Variants in ATP8A1 observed in about 807,000 individuals in gnomAD.
ATP8A1 encodes ATPase phospholipid transporting 8A1, also known as phospholipid-transporting ATPase IA.
ATP8A1 carries 90 observed loss-of-function variants against 177.7 expected under a neutral mutation model. That is an observed-to-expected ratio of 0.51 (90% CI 0.43 to 0.60). The LOEUF (loss-of-function observed/expected upper bound fraction) is 0.60. ATP8A1 is among the 20% of genes least tolerant of loss of function. ATP8A1 has a pLI of 0.00. For synonymous variants in ATP8A1, 493 were observed against 485.9 expected, an observed-to-expected ratio of 1.01 and a Z score of -0.19; for missense variants, 1,072 against 1,392.8, an observed-to-expected ratio of 0.77 and a Z score of 3.67.
chr4:42,419,378 T>C (rs968651625), intron 35 of ATP8A1, among the ~76,000 whole-genome samples: 3 of 152,150 alleles, frequency 2.0e-5, no homozygotes, highest in Non-Finnish European at 2.9e-5. Flanking sequence ...AAAACATACA[T>C]AGAGTAAACT....
At chr4:42,416,217 C>T (rs1240444420) in intron 35 of ATP8A1, among the ~76,000 whole-genome samples, 1 of 152,176 alleles carries the variant, frequency 6.6e-6, no homozygotes, top group African/African-American at 2.4e-5. Context: ...GAAGTCGCAG[C>T]TTTAGCAGCA....
rs1266691958 is a variant in ATP8A1, at chr4:42,635,810, TAC to T, written c.50-8703_50-8702del. ...ATATATATATATATATATATATATATACACATGTATGTATGTATGTAAGCTTC... is the reference window on the plus strand; with the variant it reads ...ATATATATATATATATATATATATATACATGTATGTATGTATGTAAGCTTC... On this transcript the variant is annotated intron_variant, in intron 1 of 36. Coordinates refer to ENST00000381668, the MANE Select transcript of ATP8A1 (RefSeq NM_006095.2). 6.8e-3 allele frequency among the ~76,000 whole-genome samples: 711 copies of T among 103,902 alleles called. 42 individuals are homozygous for T. The highest frequency in any genetic ancestry group is 0.031 in the African/African-American group (603 of 19,196). 68.2% of individuals were successfully genotyped at this position (103,902 alleles called of 152,430 possible). A position where few individuals can be genotyped will look rare whatever the true frequency, so the allele number is the denominator to read the frequency against.
chr4:42,439,213 A>G (rs1716347492), intron 33 of ATP8A1, among the ~76,000 whole-genome samples: 1 of 152,166 alleles, frequency 6.6e-6, no homozygotes, highest in Non-Finnish European at 1.5e-5. Context: ...TGGACGCAGT[A>G]AAGAGAGGCA....
intron 1 of ATP8A1, among the ~76,000 whole-genome samples, chr4:42,644,903 T>C (rs1286182304): frequency 1.3e-5 from 2 of 150,908 alleles, no homozygotes; most frequent in East Asian, 3.9e-4. Flanking sequence ...AAAAAAAAGT[T>C]GCCACAGAAA....
chr4:42,503,464 C>T lies in ATP8A1; in HGVS notation c.2137G>A (p.Glu713Lys). The change falls in exon 24 of 37, where the codon GAA becomes AAA. Residue 713 changes from glutamate to lysine, a missense_variant. This residue lies in a region of ATP8A1 where 388 missense variants were observed against 471.7 expected (regional missense o/e 0.82). Transcript: ENST00000381668. ...ATTTTACTTACATCAAGAGAGCCTT[C>T]ATTTATAACAATCATTCCCATGTTC... Reference protein sequence around the residue: ...KKNMGMIVINEGSLDGTRETL... With the variant: ...KKNMGMIVINKGSLDGTRETL... 6.2e-7 allele frequency: 1 copy of T among 1,604,460 alleles called. No individual in the cohort carries two copies. Among genetic ancestry groups the T allele is most frequent in the Non-Finnish European group, 8.5e-7 (1 of 1,173,006 alleles).
At chr4:42,423,763 T>A (rs1714269642) in intron 33 of ATP8A1, 58 bp from the exon 34 acceptor site, 7 of 1,155,034 alleles carry the variant, frequency 6.1e-6, no homozygotes, top group Non-Finnish European at 8.9e-6. Context: ...TGATTTGTGT[T>A]TAGTTTTTAT....
chr4:42,553,349 G>C (rs1729701301), intron 16 of ATP8A1, among the ~76,000 whole-genome samples: 2 of 152,180 alleles, frequency 1.3e-5, no homozygotes, highest in Non-Finnish European at 2.9e-5. Flanking sequence ...GGGTGATAAT[G>C]ATTGAGGATT....
chr4:42,652,899 A>G (rs914172173), intron 1 of ATP8A1, among the ~76,000 whole-genome samples: 2 of 145,742 alleles, frequency 1.4e-5, no homozygotes, highest in Non-Finnish European at 3.1e-5. Flanking sequence ...GCAGCCTAAG[A>G]GCGGACTAAC....
intron 14 of ATP8A1, among the ~76,000 whole-genome samples, chr4:42,570,680 T>C (rs914205252): frequency 2.0e-5 from 3 of 152,254 alleles, no homozygotes; most frequent in Non-Finnish European, 4.4e-5. Context: ...CCACTGATCC[T>C]ATATGCAAGT....
chr4:42,533,760 C>T (rs1402881797), intron 20 of ATP8A1, among the ~76,000 whole-genome samples: 1 of 152,160 alleles, frequency 6.6e-6, no homozygotes, highest in Non-Finnish European at 1.5e-5. Flanking sequence ...GGACCCTCTC[C>T]AAGTCTACTT....
At chr4:42,523,963 G>A (rs1371745431) in intron 21 of ATP8A1, among the ~76,000 whole-genome samples, 1 of 152,008 alleles carries the variant, frequency 6.6e-6, no homozygotes, top group Non-Finnish European at 1.5e-5. Flanking sequence ...ATTTGATTAG[G>A]TCAGTTTGGT....
At chr4:42,487,595 T>A (rs1478291165) in intron 24 of ATP8A1, among the ~76,000 whole-genome samples, 1 of 152,174 alleles carries the variant, frequency 6.6e-6, no homozygotes, top group Non-Finnish European at 1.5e-5. Flanking sequence ...ATTTTTATTA[T>A]GTTCATGGGA....
At chr4:42,636,156 A>ACACGCGCGTGCGCGCGCGCG (rs565139270) in intron 1 of ATP8A1, among the ~76,000 whole-genome samples, 11 of 90,968 alleles carry the variant, frequency 1.2e-4, no homozygotes, top group African/African-American at 1.3e-4. Context: ...ACACACACAC[A>ACACGCGCGTGCGCGCGCGCG]CGCACACACA....
chr4:42,613,697 C>T (rs565145095), intron 5 of ATP8A1, among the ~76,000 whole-genome samples: 1 of 152,212 alleles, frequency 6.6e-6, no homozygotes, highest in African/African-American at 2.4e-5. Flanking sequence ...GATTCTCCTA[C>T]CTCAGCCTCC....
chr4:42,479,543 G>C (rs1244760435), intron 25 of ATP8A1, among the ~76,000 whole-genome samples: 1 of 152,212 alleles, frequency 6.6e-6, no homozygotes, highest in Non-Finnish European at 1.5e-5. Flanking sequence ...AATCAGAACT[G>C]TCAGAGAACC....
chr4:42,497,744 A>C (rs1723430498), intron 24 of ATP8A1, among the ~76,000 whole-genome samples: 1 of 152,230 alleles, frequency 6.6e-6, no homozygotes, highest in South Asian at 2.1e-4. Context: ...ACTGTCTTAA[A>C]TCCAGGAAAA....
intron 6 of ATP8A1, among the ~76,000 whole-genome samples, chr4:42,591,395 T>A (rs925457745): frequency 4.6e-5 from 7 of 152,168 alleles, no homozygotes; most frequent in African/African-American, 9.7e-5. Flanking sequence ...AAAATATTTT[T>A]AAAGTTAATT....
intron 1 of ATP8A1, among the ~76,000 whole-genome samples, chr4:42,636,731 T>C (rs182087840): frequency 2.0e-5 from 3 of 152,270 alleles, no homozygotes; most frequent in African/African-American, 7.2e-5. Flanking sequence ...AAACAGCCCA[T>C]TGCTTTCCTT....
At chr4:42,507,780 T>TAAAAAAAAAAAAAAAAA in intron 22 of ATP8A1, among the ~76,000 whole-genome samples, 5 of 17,700 alleles carry the variant, frequency 2.8e-4, no homozygotes, top group African/African-American at 3.8e-4. Context: ...ACAGGCATTC[T>TAAAAAAAAAAAAAAAAA]AAAAAAAAAA....
Sources: allele counts gnomAD v4.1 joint callset (sites outside exome capture counted in the v4.1 genomes callset), GRCh38; gene constraint gnomAD v4.1.1; regional missense constraint gnomAD v4.1.1; transcripts MANE v1.5; gene names NCBI Gene and HGNC (gene_info 2026-07-23, HGNC 2026-07-21).